The following GMCL1 variants were observed in gnomAD, a reference collection of about 807,000 sequenced individuals.
GMCL1 encodes germ cell-less protein-like 1.
Under a neutral mutation model 75.5 loss-of-function variants are expected in GMCL1, and 54 were observed. The observed-to-expected ratio is 0.71, with a 90% CI of 0.57 to 0.90. The LOEUF (loss-of-function observed/expected upper bound fraction) is 0.90, where lower values mean the gene tolerates loss of function less well. Among genes scored for constraint, GMCL1 ranks in the 40% least tolerant of loss-of-function variants. The pLI, the probability that GMCL1 is intolerant of heterozygous loss-of-function variation, is 0.00. For synonymous variants in GMCL1, 210 were observed against 209.6 expected, an observed-to-expected ratio of 1.00 and a Z score of -0.02; for missense variants, 537 against 622.7, an observed-to-expected ratio of 0.86 and a Z score of 1.47.
intron 7 of GMCL1, among the ~76,000 whole-genome samples, chr2:69,848,571 G>T (rs1675220569): frequency 6.6e-6 from 1 of 152,116 alleles, no homozygotes; most frequent in Non-Finnish European, 1.5e-5. Context: ...AGCTGGGTGT[G>T]GTGGTTCGTG....
Position 69,861,270 on chromosome 2 carries a change from C to T in GMCL1, c.1073-8C>T. 1.9e-6 allele frequency: 3 copies of T among 1,571,466 alleles called. No homozygotes were observed. The highest frequency in any genetic ancestry group is 2.3e-5 in the East Asian group (1 of 44,396). ...ATTTATTATTATTAATTTATTCTTACATTTCAGAATGGCTCTCTTCTGTGT... is the reference window on the plus strand; with the variant it reads ...ATTTATTATTATTAATTTATTCTTATATTTCAGAATGGCTCTCTTCTGTGT... On this transcript the variant is annotated splice_polypyrimidine_tract_variant and splice_region_variant and intron_variant, in intron 9 of 13. Coordinates refer to ENST00000282570, the MANE Select transcript of GMCL1 (RefSeq NM_178439.5).
At chr2:69,878,794 G>C in intron 13 of GMCL1, 115 bp from the exon 14 acceptor site, 1 of 750,434 alleles carries the variant, frequency 1.3e-6, no homozygotes, top group Non-Finnish European at 2.4e-6. Flanking sequence ...TTGGAGAGTG[G>C]AGTTGTGGAT....
At chr2:69,867,788 T>C (rs545830020) in intron 11 of GMCL1, among the ~76,000 whole-genome samples, 29 of 152,312 alleles carry the variant, frequency 1.9e-4, no homozygotes, top group African/African-American at 7.0e-4. Context: ...GTGGTAACCA[T>C]GAACTTGAAG....
At position 69,829,734 on chromosome 2, in the gene GMCL1, A is replaced by AG; in HGVS notation, c.-158dup. 1.3e-6 allele frequency: 1 copy of AG among 760,894 alleles called. No homozygotes were observed. The highest frequency in any genetic ancestry group is 2.0e-6 in the Non-Finnish European group (1 of 498,406). The allele number at this position is 760,894 out of a possible 1,614,324, so 47.1% of individuals were successfully genotyped here. A position where few individuals can be genotyped will look rare whatever the true frequency, so the allele number is the denominator to read the frequency against. On this transcript the variant is annotated 5_prime_UTR_variant, in exon 1 of 14. Transcript: ENST00000282570. ...CGCGACCGGACGCTGCGGGCGGGGA[A>AG]GAGGATGGAGACTGTGGCGTCCGCT...
intron 13 of GMCL1, among the ~76,000 whole-genome samples, chr2:69,877,706 T>TTGTGTGTG (rs10549628): frequency 0.019 from 2,838 of 149,934 alleles, 133 homozygotes; most frequent in Admixed American, 0.1. Flanking sequence ...GATTGTGTGT[T>TTGTGTGTG]TGTGTGTGTG....
chr2:69,872,620 C>T (rs1425800635), intron 13 of GMCL1, among the ~76,000 whole-genome samples: 1 of 152,184 alleles, frequency 6.6e-6, no homozygotes, highest in African/African-American at 2.4e-5. Flanking sequence ...TATATGAGAA[C>T]TTCTTTTAAC....
chr2:69,848,416 T>G (rs1675216905), intron 7 of GMCL1, among the ~76,000 whole-genome samples: 1 of 152,238 alleles, frequency 6.6e-6, no homozygotes, highest in African/African-American at 2.4e-5. Flanking sequence ...TTTAAAAAAT[T>G]GGTGCAGAGG....
intron 6 of GMCL1, chr2:69,844,861 G>C (rs1239559194): frequency 2.6e-6 from 1 of 377,416 alleles, no homozygotes; most frequent in Non-Finnish European, 5.6e-6. Flanking sequence ...TTCTGAACCA[G>C]GTCAAGGTAT....
At chr2:69,872,803 AACAG>A (rs528471392) in intron 13 of GMCL1, among the ~76,000 whole-genome samples, 1 of 152,260 alleles carries the variant, frequency 6.6e-6, no homozygotes, top group Non-Finnish European at 1.5e-5. Flanking sequence ...TCTGCAGCTG[AACAG>A]ACAATGACTA....
At chr2:69,847,697 T>C in intron 7 of GMCL1, 70 bp downstream of exon 7, 1 of 869,292 alleles carries the variant, frequency 1.2e-6, no homozygotes, top group Non-Finnish European at 1.9e-6. Context: ...GGTGAAAAAC[T>C]GGAAACAGTA....
rs760120813 is a variant in GMCL1, at chr2:69,847,631, C to T, written c.843+4C>T. ...TATATACACTGCTCTAAAAAAGGTA[C>T]TGACGTAATATGATGTCATATTATA... On this transcript the variant is annotated splice_donor_region_variant and intron_variant, in intron 7 of 13. Coordinates refer to ENST00000282570, the MANE Select transcript of GMCL1 (RefSeq NM_178439.5). 5.1e-6 allele frequency: 8 copies of T among 1,566,770 alleles called. No homozygotes were observed. Among genetic ancestry groups the T allele is most frequent in the Non-Finnish European group, 6.2e-6 (7 of 1,138,052 alleles).
At chr2:69,851,894 T>C (rs1306489377) in intron 8 of GMCL1, among the ~76,000 whole-genome samples, 1 of 152,246 alleles carries the variant, frequency 6.6e-6, no homozygotes, top group Non-Finnish European at 1.5e-5. Context: ...CAGAGCCAGA[T>C]AAATTAATTT....
chr2:69,836,547 TC>T (rs1674823552), intron 1 of GMCL1, among the ~76,000 whole-genome samples: 2 of 152,220 alleles, frequency 1.3e-5, no homozygotes, highest in South Asian at 4.1e-4. Flanking sequence ...GTTTTTATTG[TC>T]GGCTAGGAAG....
At chr2:69,846,584 A>G (rs1310982632) in intron 6 of GMCL1, among the ~76,000 whole-genome samples, 1 of 152,176 alleles carries the variant, frequency 6.6e-6, no homozygotes, top group Non-Finnish European at 1.5e-5. Flanking sequence ...AACTTTTTGA[A>G]AAAGGAGCAG....
chr2:69,854,357 A>G (rs1558544243), intron 8 of GMCL1, among the ~76,000 whole-genome samples: 3 of 152,306 alleles, frequency 2.0e-5, no homozygotes, highest in East Asian at 3.9e-4. Context: ...GAGAATTAAT[A>G]TATTAACTAG....
chr2:69,876,263 G>A (rs1411055234), intron 13 of GMCL1, among the ~76,000 whole-genome samples: 1 of 152,192 alleles, frequency 6.6e-6, no homozygotes, highest in Non-Finnish European at 1.5e-5. Context: ...CAATGAAGAG[G>A]AAAATATTGA....
At chr2:69,848,191 C>G (rs1675208923) in intron 7 of GMCL1, among the ~76,000 whole-genome samples, 1 of 152,218 alleles carries the variant, frequency 6.6e-6, no homozygotes, top group Non-Finnish European at 1.5e-5. Context: ...TCTTGGGAGT[C>G]CTAGTCCATT....
At chr2:69,843,114 A>T (rs770860619) in intron 4 of GMCL1, 35 bp from the exon 5 acceptor site, 8 of 1,168,634 alleles carry the variant, frequency 6.8e-6, no homozygotes, top group Non-Finnish European at 8.7e-6. Flanking sequence ...TTCCCACGTG[A>T]AATGGGCCTT....
At chr2:69,872,085 A>T (rs190504115) in intron 13 of GMCL1, among the ~76,000 whole-genome samples, 122 of 152,326 alleles carry the variant, frequency 8.0e-4, no homozygotes, top group Middle Eastern at 6.8e-3. Flanking sequence ...ATAAGGAAAT[A>T]ATTGTTTATC....
Sources: allele counts gnomAD v4.1 joint callset (sites outside exome capture counted in the v4.1 genomes callset), GRCh38; gene constraint gnomAD v4.1.1; transcripts MANE v1.5; gene names NCBI Gene and HGNC (gene_info 2026-07-23, HGNC 2026-07-21).